The following PSMA5 variants were observed in gnomAD, a reference collection of about 807,000 sequenced individuals.
PSMA5 encodes the protein proteasome subunit alpha type-5.
A neutral mutation model predicts 34.5 loss-of-function variants in PSMA5; 3 were observed. That is an observed-to-expected ratio of 0.09 (90% confidence interval 0.04 to 0.22). The LOEUF (loss-of-function observed/expected upper bound fraction) is 0.22. Ranked by LOEUF, PSMA5 falls within the 10% of genes least tolerant of loss-of-function variation. The probability of loss-of-function intolerance (pLI) is 1.00; values close to 1 mark genes in which losing one functional copy is unlikely to be tolerated. For missense variants in PSMA5, 120 were observed against 286.1 expected (o/e 0.42, Z 4.19); for synonymous variants, 88 against 95.8 (o/e 0.92, Z 0.47).
At chr1:109,421,006 C>T (rs962564568) in intron 2 of PSMA5, among the ~76,000 whole-genome samples, 3 of 144,422 alleles carry the variant, frequency 2.1e-5, no homozygotes, top group African/African-American at 5.2e-5. Flanking sequence ...CATAGCAAGA[C>T]CACATCTCTA....
In PSMA5 at chr1:109,411,005, A is replaced by G; in HGVS notation, c.561+6T>C. On this transcript the variant is annotated splice_donor_region_variant and intron_variant, in intron 7 of 8. Coordinates refer to ENST00000271308, the MANE Select transcript of PSMA5 (RefSeq NM_002790.4). ...AATAGTAAGAGTTGTGAGAATACTT[A>G]ATTACCTTGTGGTAAACTTCTTGCA... The G allele has an allele frequency of 6.3e-7, 1 of 1,591,504 alleles. No homozygotes were observed. Among genetic ancestry groups the G allele is most frequent in the Non-Finnish European group, 8.6e-7 (1 of 1,160,778 alleles).
intron 1 of PSMA5, chr1:109,425,177 T>C (rs1654606217): frequency 6.6e-6 from 1 of 152,190 alleles, no homozygotes; most frequent in South Asian, 2.1e-4. Flanking sequence ...TCAAGCACAT[T>C]AACTAAGAGA....
chr1:109,404,704 A>C (rs1382642461), intron 8 of PSMA5, among the ~76,000 whole-genome samples: 1 of 152,240 alleles, frequency 6.6e-6, no homozygotes, highest in East Asian at 1.9e-4. Context: ...CTTTCAAAAA[A>C]CATCTCTATG....
intron 2 of PSMA5, among the ~76,000 whole-genome samples, chr1:109,417,197 T>C (rs908013255): frequency 1.3e-5 from 2 of 152,200 alleles, no homozygotes; most frequent in Admixed American, 6.5e-5. Context: ...CTTAAGTCTA[T>C]TGATGTAAGA....
intron 2 of PSMA5, among the ~76,000 whole-genome samples, chr1:109,415,938 G>A (rs1654176666): frequency 6.6e-6 from 1 of 152,072 alleles, no homozygotes; most frequent in Non-Finnish European, 1.5e-5. Context: ...CACCAACAAC[G>A]TAAAACTATT....
At chr1:109,405,906 C>T (rs1571014318) in intron 8 of PSMA5, among the ~76,000 whole-genome samples, 2 of 151,956 alleles carry the variant, frequency 1.3e-5, no homozygotes, top group East Asian at 1.9e-4. Flanking sequence ...GAACAAAAGG[C>T]GGCACTGGAA....
intron 2 of PSMA5, among the ~76,000 whole-genome samples, chr1:109,421,387 C>T (rs981579929): frequency 5.3e-5 from 8 of 150,456 alleles, no homozygotes; most frequent in Admixed American, 4.7e-4. Context: ...CACTTGAACC[C>T]GAGGGGCGGA....
intron 8 of PSMA5, among the ~76,000 whole-genome samples, chr1:109,404,881 A>G (rs1653681206): frequency 6.6e-6 from 1 of 152,222 alleles, no homozygotes; most frequent in Non-Finnish European, 1.5e-5. Context: ...TAAGTGTTGT[A>G]ATAGAACTAA....
At chr1:109,420,428 A>G (rs940329329) in intron 2 of PSMA5, among the ~76,000 whole-genome samples, 1 of 152,210 alleles carries the variant, frequency 6.6e-6, no homozygotes, top group African/African-American at 2.4e-5. Flanking sequence ...GTCCTAGAAC[A>G]TTACCAGCTG....
At chr1:109,417,096 C>A (rs902356320) in intron 2 of PSMA5, among the ~76,000 whole-genome samples, 1 of 152,130 alleles carries the variant, frequency 6.6e-6, no homozygotes, top group Non-Finnish European at 1.5e-5. Flanking sequence ...CAGAGTGAGA[C>A]CCCATCTCAA....
chr1:109,424,532 C>A (rs1394112429), intron 1 of PSMA5, among the ~76,000 whole-genome samples: 2 of 151,732 alleles, frequency 1.3e-5, no homozygotes. Context: ...AATCCCAGCA[C>A]TTTGGGAGGC....
In PSMA5 at chr1:109,425,654, T is replaced by C. The variant is rs138237860; in HGVS notation, c.29+648A>G. ...AAAGTAAAAATGTCTACAGCATATA[T>C]ATGTACAACTTAATATTGTGAACAT... On this transcript the variant is annotated intron_variant, in intron 1 of 8. Coordinates refer to ENST00000271308, the MANE Select transcript of PSMA5 (RefSeq NM_002790.4). 3.8e-3 allele frequency: 574 copies of C among 152,594 alleles called. 11 individuals carry two copies. The highest frequency in any genetic ancestry group is 0.031 in the Admixed American group (470 of 15,330). 9.5% of individuals were successfully genotyped at this position (152,594 alleles called of 1,614,324 possible).
chr1:109,426,144 G>C (rs1654647767), intron 1 of PSMA5, 158 bp downstream of exon 1: 4 of 936,442 alleles, frequency 4.3e-6, no homozygotes, highest in Non-Finnish European at 6.7e-6. Flanking sequence ...CTAGCTTGGG[G>C]AAGGACGGCG....
chr1:109,400,238 G>A lies in PSMA5; in HGVS notation c.*1775C>T, dbSNP rs567763187. ...GCATTTTTCCCCCTATGAAATGCAT[G>A]TGATTCAGAGACACAACTCACCTCT... On this transcript the variant is annotated 3_prime_UTR_variant, in exon 9 of 9. Transcript: ENST00000271308. 1 of 152,290 alleles carries A rather than the reference G, an allele frequency of 6.6e-6. No homozygotes were observed. The highest frequency in any genetic ancestry group is 6.5e-5 in the Admixed American group (1 of 15,300). The allele number at this position is 152,290 out of a possible 1,614,324, so 9.4% of individuals were successfully genotyped here.
chr1:109,399,137 A>T lies in PSMA5; in HGVS notation c.*2876T>A, dbSNP rs1206601058. The T allele has an allele frequency of 6.6e-6, 1 of 152,252 alleles. No homozygotes were observed. Among genetic ancestry groups the T allele is most frequent in the Non-Finnish European group, 1.5e-5 (1 of 68,040 alleles). 9.4% of individuals were successfully genotyped at this position (152,252 alleles called of 1,614,324 possible). On this transcript the variant is annotated 3_prime_UTR_variant, in exon 9 of 9. Coordinates refer to ENST00000271308, the MANE Select transcript of PSMA5 (RefSeq NM_002790.4). ...AATGATACAATGCACCCAACCCGAT[A>T]TTTACATTAAAATATTTCCAGTCAC...
chr1:109,405,270 G>T (rs1653702615), intron 8 of PSMA5, among the ~76,000 whole-genome samples: 1 of 152,134 alleles, frequency 6.6e-6, no homozygotes, highest in African/African-American at 2.4e-5. Context: ...TGTAAAATAA[G>T]ATTTTCGGAA....
At position 109,413,057 on chromosome 1, in the gene PSMA5, G is replaced by A; in HGVS notation, c.291+11C>T. 2 of 1,611,430 alleles carry A rather than the reference G, an allele frequency of 1.2e-6. No individual in the cohort carries two copies. Among genetic ancestry groups the A allele is most frequent in the Non-Finnish European group, 1.7e-6 (2 of 1,177,716 alleles). ...AGCATCCTGGTAAAAAGGAGATAAT[G>A]CCAATTTTACCTGTGTCTCCACTCT... On this transcript the variant is annotated intron_variant, in intron 4 of 8. Transcript: ENST00000271308.
intron 7 of PSMA5, among the ~76,000 whole-genome samples, chr1:109,410,770 A>T (rs185371985): frequency 6.6e-6 from 1 of 152,386 alleles, no homozygotes; most frequent in African/African-American, 2.4e-5. Flanking sequence ...TTCCATTTAT[A>T]ACAAAGCACA....
chr1:109,415,438 TA>T, intron 2 of PSMA5, 75 bp from the exon 3 acceptor site: 1 of 1,452,812 alleles, frequency 6.9e-7, no homozygotes, highest in Non-Finnish European at 9.2e-7. Flanking sequence ...TAGCTCTCTG[TA>T]AATCTTCACA....
Sources: gnomAD v4.1 joint callset for allele counts (sites outside exome capture counted in the v4.1 genomes callset) on GRCh38, gnomAD v4.1.1 for gene constraint, MANE v1.5 for transcripts, NCBI Gene and HGNC (gene_info 2026-07-23, HGNC 2026-07-21) for gene names.